The following PECAM1 variants were observed in gnomAD, a reference collection of about 807,000 sequenced individuals.
PECAM1 encodes platelet and endothelial cell adhesion molecule 1.
PECAM1 carries 8 observed loss-of-function variants against 13.8 expected under a neutral mutation model. That is an observed-to-expected ratio of 0.58 (90% CI 0.34 to 1.05). The LOEUF (loss-of-function observed/expected upper bound fraction) is 1.05, where lower values mean the gene tolerates loss of function less well. Among genes scored for constraint, PECAM1 ranks in the 50% least tolerant of loss-of-function variants. PECAM1 has a pLI of 0.03. For missense variants in PECAM1, 304 were observed against 141.2 expected (o/e 2.15, Z -5.84); for synonymous variants, 136 against 52.6 (o/e 2.58, Z -6.86).
In PECAM1 at chr17:64,323,472, G is replaced by A; in HGVS notation, c.*344C>T. ...TTGGTTTCTGTGTATGAGGGTGCAT[G>A]GAAAAGGTCTTTATCTCTGCACAAA... On this transcript the variant is annotated 3_prime_UTR_variant, in exon 16 of 16. Coordinates refer to ENST00000563924, the MANE Select transcript of PECAM1 (RefSeq NM_000442.5). 8.1e-7 allele frequency: 1 copy of A among 1,236,954 alleles called. No individual in the cohort carries two copies. The highest frequency in any genetic ancestry group is 1.0e-6 in the Non-Finnish European group (1 of 978,950). 76.6% of individuals were successfully genotyped at this position (1,236,954 alleles called of 1,614,324 possible). A position where few individuals can be genotyped will look rare whatever the true frequency, so the allele number is the denominator to read the frequency against.
chr17:64,341,629 C>A lies in PECAM1; in HGVS notation c.2164+5G>T. Reference sequence around the variant, plus strand: ...CAGGCTGGGGCACTGGAGACCCTCACTCACCAGGGACAGCTTTCCGGACTT... The same window carrying A: ...CAGGCTGGGGCACTGGAGACCCTCAATCACCAGGGACAGCTTTCCGGACTT... On this transcript the variant is annotated splice_donor_5th_base_variant and intron_variant, in intron 14 of 15. Transcript: ENST00000563924. The A allele has an allele frequency of 2.2e-6, 1 of 451,540 alleles. No homozygotes were observed. The highest frequency in any genetic ancestry group is 4.0e-6 in the Non-Finnish European group (1 of 247,620). The allele number at this position is 451,540 out of a possible 1,614,324, so 28.0% of individuals were successfully genotyped here.
chr17:64,375,977 CAGTGT>C (rs2036348530), intron 3 of PECAM1, among the ~76,000 whole-genome samples: 4 of 151,956 alleles, frequency 2.6e-5, no homozygotes, highest in African/African-American at 4.8e-5. Flanking sequence ...ACACTGGGTA[CAGTGT>C]ACACTGCTCG....
chr17:64,343,702 C>T (rs934184784), intron 13 of PECAM1, among the ~76,000 whole-genome samples: 19 of 152,160 alleles, frequency 1.2e-4, no homozygotes, highest in Admixed American at 2.6e-4. Context: ...ACTGACTTCC[C>T]CAGGGCACCA....
At chr17:64,387,342 G>C (rs1191021948) in intron 2 of PECAM1, among the ~76,000 whole-genome samples, 1 of 152,034 alleles carries the variant, frequency 6.6e-6, no homozygotes, top group Non-Finnish European at 1.5e-5. Context: ...GGTGAGGTGG[G>C]TAGGCACAGA....
chr17:64,335,332 G>A (rs2035249993), intron 14 of PECAM1, among the ~76,000 whole-genome samples: 1 of 151,970 alleles, frequency 6.6e-6, no homozygotes, highest in African/African-American at 2.4e-5. Context: ...GAGGCCGGGG[G>A]ACAGAGGTTG....
chr17:64,342,815 G>A (rs2035468519), intron 13 of PECAM1, among the ~76,000 whole-genome samples: 1 of 152,070 alleles, frequency 6.6e-6, no homozygotes, highest in Non-Finnish European at 1.5e-5. Context: ...TACACACACA[G>A]CATATACACA....
At chr17:64,366,914 T>C (rs1278557940) in intron 5 of PECAM1, among the ~76,000 whole-genome samples, 3 of 150,028 alleles carry the variant, frequency 2.0e-5, no homozygotes, top group African/African-American at 4.9e-5. Context: ...GCATGGCACA[T>C]GTATACATAT....
rs978796417 is a variant in PECAM1, at chr17:64,377,942, C to T, written c.267G>A (p.Lys89=). The T allele has an allele frequency of 9.3e-5, 44 of 475,288 alleles. No homozygotes were observed. Among genetic ancestry groups the T allele is most frequent in the African/African-American group, 8.3e-4 (42 of 50,598 alleles). The allele number at this position is 475,288 out of a possible 1,614,324, so 29.4% of individuals were successfully genotyped here. A position where few individuals can be genotyped will look rare whatever the true frequency, so the allele number is the denominator to read the frequency against. ...CAGGAATAAAATAACTCTCTGTGCT[C>T]TTCATGGAGGAGATGTTGTAAAACA... is the stretch of plus-strand genomic sequence containing the variant. The part of the protein sequence containing the change: ...DVLFYNISSM[K]STESYFIPEV... The change falls in exon 3 of 16, where the codon AAG becomes AAA. Residue 89 remains lysine, a synonymous_variant. Coordinates refer to ENST00000563924, the MANE Select transcript of PECAM1 (RefSeq NM_000442.5).
intron 3 of PECAM1, among the ~76,000 whole-genome samples, chr17:64,376,249 G>A (rs1348363755): frequency 6.6e-6 from 1 of 152,078 alleles, no homozygotes; most frequent in African/African-American, 2.4e-5. Context: ...AGGTTGCAGT[G>A]AGCTGAGATC....
intron 2 of PECAM1, among the ~76,000 whole-genome samples, chr17:64,378,369 T>C (rs2143880305): frequency 6.6e-6 from 1 of 152,130 alleles, no homozygotes; most frequent in East Asian, 1.9e-4. Flanking sequence ...GAGCTAGGTA[T>C]GGTGGCTCAC....
chr17:64,356,026 C>A lies in PECAM1; in HGVS notation c.1780+85G>T, dbSNP rs1043114302. 3.0e-5 allele frequency: 14 copies of A among 472,996 alleles called. No individual in the cohort carries two copies. In the South Asian group the frequency reaches 5.5e-4, roughly 19 times the overall value. 29.3% of individuals were successfully genotyped at this position (472,996 alleles called of 1,614,324 possible). A position where few individuals can be genotyped will look rare whatever the true frequency, so the allele number is the denominator to read the frequency against. On this transcript the variant is annotated intron_variant, in intron 8 of 15. Coordinates refer to ENST00000563924, the MANE Select transcript of PECAM1 (RefSeq NM_000442.5). ...TTCAGTCACATAAGCTAGACTCCCC[C>A]CCAACTCCCTCTTACAAGGGGTGTG...
At position 64,390,747 on chromosome 17, in the gene PECAM1, C is replaced by A; in HGVS notation, c.-82G>T. ...AGCAGAAGGCACTGCCCACAAGTCA[C>A]CGTTGAGAAACCCGCCCTGTGAAAA... is the stretch of plus-strand genomic sequence containing the variant. On this transcript the variant is annotated 5_prime_UTR_variant, in exon 1 of 16. Coordinates refer to ENST00000563924, the MANE Select transcript of PECAM1 (RefSeq NM_000442.5). 2.5e-6 allele frequency: 1 copy of A among 408,090 alleles called. No homozygotes were observed. Among genetic ancestry groups the A allele is most frequent in the Non-Finnish European group, 4.4e-6 (1 of 227,354 alleles). The allele number at this position is 408,090 out of a possible 1,614,324, so 25.3% of individuals were successfully genotyped here.
intron 3 of PECAM1, 59 bp downstream of exon 3, chr17:64,377,765 T>C (rs1199588223): frequency 6.3e-6 from 3 of 473,172 alleles, no homozygotes; most frequent in Non-Finnish European, 1.2e-5. Flanking sequence ...ACAGCTGTTA[T>C]TCACGCCACT....
chr17:64,327,242 A>C (rs1662182006), intron 15 of PECAM1, among the ~76,000 whole-genome samples: 1 of 152,222 alleles, frequency 6.6e-6, no homozygotes, highest in Admixed American at 6.5e-5. Flanking sequence ...ACTATTGCCC[A>C]AGTGATGAAA....
rs975896539 is a variant in PECAM1, at chr17:64,347,823, C to T, written c.2107+437G>A. Among the ~76,000 whole-genome samples the T allele has an allele frequency of 4.0e-5, 6 of 149,564 alleles. No individual in the cohort carries two copies. The South Asian group carries it at 6.3e-4, about 16-fold the overall frequency. The stretch of plus-strand genomic sequence containing the variant: ...TCAGCTCACTGCCACCTCTGCCTTC[C>T]GGGTTCAAGTGATTCTCCTGCCTCA... On this transcript the variant is annotated intron_variant, in intron 13 of 15. Transcript: ENST00000563924.
intron 7 of PECAM1, among the ~76,000 whole-genome samples, chr17:64,357,266 A>C (rs2035867156): frequency 6.6e-6 from 1 of 152,030 alleles, no homozygotes; most frequent in Admixed American, 6.6e-5. Context: ...GGGTGATTTC[A>C]CCTACACGCT....
intron 2 of PECAM1, among the ~76,000 whole-genome samples, chr17:64,384,162 T>C (rs963479526): frequency 2.4e-3 from 361 of 151,888 alleles, no homozygotes; most frequent in Non-Finnish European, 4.3e-3. Flanking sequence ...ATAAACGAAC[T>C]CAATGGATGC....
chr17:64,387,439 G>A (rs1369073223), intron 2 of PECAM1, among the ~76,000 whole-genome samples: 1 of 152,064 alleles, frequency 6.6e-6, no homozygotes, highest in Non-Finnish European at 1.5e-5. Context: ...GTGGGGGTGG[G>A]TGTCTGCTTG....
intron 8 of PECAM1, among the ~76,000 whole-genome samples, chr17:64,355,521 G>A (rs2035826484): frequency 6.6e-6 from 1 of 151,788 alleles, no homozygotes; most frequent in African/African-American, 2.4e-5. Context: ...GTGCAGTGGA[G>A]CAAGCTCTGC....
Sources: allele counts gnomAD v4.1 joint callset (sites outside exome capture counted in the v4.1 genomes callset), GRCh38; gene constraint gnomAD v4.1.1; transcripts MANE v1.5; gene names NCBI Gene and HGNC (gene_info 2026-07-23, HGNC 2026-07-21).